Variants in NRP1 observed in about 807,000 individuals in gnomAD.
NRP1 encodes the protein neuropilin 1.
Under a neutral mutation model 106.7 loss-of-function variants are expected in NRP1, and 35 were observed. The observed-to-expected ratio is 0.33, with a 90% CI of 0.25 to 0.43. The LOEUF (loss-of-function observed/expected upper bound fraction) is 0.43, where lower values mean the gene tolerates loss of function less well. Among genes scored for constraint, NRP1 ranks in the 20% least tolerant of loss-of-function variants. The pLI, the probability that NRP1 is intolerant of heterozygous loss-of-function variation, is 1.00. For synonymous variants in NRP1, 437 were observed against 417.9 expected (o/e 1.05, Z -0.56); for missense variants, 1,024 against 1,170.4 (o/e 0.87, Z 1.83).
chr10:33,210,865 T>A (rs1475909965), intron 9 of NRP1, among the ~76,000 whole-genome samples: 7 of 152,228 alleles, frequency 4.6e-5, no homozygotes, highest in African/African-American at 1.7e-4. Context: ...AATCTTGATA[T>A]GATTAAAAAC....
At chr10:33,281,603 G>C (rs1012808318) in intron 2 of NRP1, among the ~76,000 whole-genome samples, 3 of 152,132 alleles carry the variant, frequency 2.0e-5, no homozygotes, top group Non-Finnish European at 4.4e-5. Context: ...GCCAAAACTG[G>C]ATGACTGTGA....
At chr10:33,199,385 ATATATTTTT>A (rs1837080367) in intron 11 of NRP1, among the ~76,000 whole-genome samples, 1 of 59,972 alleles carries the variant, frequency 1.7e-5, no homozygotes, top group African/African-American at 7.0e-5. Context: ...ATATATATAT[ATATATTTTT>A]TTTTTTTTTT....
At chr10:33,249,006 G>A (rs900273659) in intron 6 of NRP1, among the ~76,000 whole-genome samples, 22 of 151,966 alleles carry the variant, frequency 1.4e-4, no homozygotes, top group African/African-American at 5.1e-4. Flanking sequence ...AAAGTCACTA[G>A]GGAGTGTGGT....
intron 9 of NRP1, chr10:33,212,148 T>C (rs181408921): frequency 6.6e-6 from 1 of 152,374 alleles, no homozygotes; most frequent in Admixed American, 6.5e-5. Context: ...TGGAATGGAA[T>C]GTTTTTGTGT....
chr10:33,263,209 T>C (rs1241821151), intron 4 of NRP1, among the ~76,000 whole-genome samples: 2 of 152,202 alleles, frequency 1.3e-5, no homozygotes, highest in Non-Finnish European at 2.9e-5. Flanking sequence ...TTTTATTAAG[T>C]ACTCAACCTC....
chr10:33,322,311 T>G (rs1352004095), intron 2 of NRP1, among the ~76,000 whole-genome samples: 1 of 152,200 alleles, frequency 6.6e-6, no homozygotes, highest in Admixed American at 6.5e-5. Flanking sequence ...CAAAAAGCAC[T>G]AGAATTTAGA....
At chr10:33,235,841 A>G (rs550558051) in intron 6 of NRP1, among the ~76,000 whole-genome samples, 1 of 152,374 alleles carries the variant, frequency 6.6e-6, no homozygotes, top group Admixed American at 6.5e-5. Flanking sequence ...ATGCTTTAGA[A>G]AAGATTGTTT....
At chr10:33,264,085 G>T (rs1228857937) in intron 3 of NRP1, among the ~76,000 whole-genome samples, 2 of 152,168 alleles carry the variant, frequency 1.3e-5, no homozygotes, top group Non-Finnish European at 2.9e-5. Context: ...CTTTCCATTT[G>T]TATGGAGCAA....
intron 6 of NRP1, among the ~76,000 whole-genome samples, chr10:33,252,094 G>T (rs924213462): frequency 2.6e-5 from 4 of 152,076 alleles, no homozygotes; most frequent in Admixed American, 2.6e-4. Flanking sequence ...GCTGGATATC[G>T]TGAGGAACAC....
In NRP1 at chr10:33,221,873, G is replaced by A; in HGVS notation, c.1138-10C>T. On this transcript the variant is annotated splice_polypyrimidine_tract_variant and intron_variant, in intron 7 of 16. Coordinates refer to ENST00000374867, the MANE Select transcript of NRP1 (RefSeq NM_003873.7). ...TGTTTCCCTGAAAGAGCTGTATGGG[G>A]AAAAAAAGTGCCTTTCTTTAGCAGA... 1 of 1,593,296 alleles carries A rather than the reference G, an allele frequency of 6.3e-7. No individual in the cohort carries two copies. The highest frequency in any genetic ancestry group is 8.6e-7 in the Non-Finnish European group (1 of 1,163,726).
Position 33,207,690 on chromosome 10 carries a change from A to G in NRP1, c.1641T>C (p.Asp547=), listed in dbSNP as rs1022766373. 1.9e-6 allele frequency: 3 copies of G among 1,614,014 alleles called. No homozygotes were observed. Among genetic ancestry groups the G allele is most frequent in the Non-Finnish European group, 2.5e-6 (3 of 1,179,964 alleles). Residue 547 remains aspartate, a synonymous_variant, in exon 10 of 17, where the codon GAT becomes GAC. Coordinates refer to ENST00000374867, the MANE Select transcript of NRP1 (RefSeq NM_003873.7). The part of the protein sequence containing the change: ...AKSFEGNNNY[D]TPELRTFPAL... ...CTGGAAAAGTCCGCAGCTCAGGTGT[A>G]TCATAGTTGTTGTTGCCCTCAAAAG...
At chr10:33,210,612 C>G (rs1473702526) in intron 9 of NRP1, among the ~76,000 whole-genome samples, 3 of 152,152 alleles carry the variant, frequency 2.0e-5, no homozygotes, top group Non-Finnish European at 4.4e-5. Context: ...AAGATGAGGA[C>G]TTTGAGTGTT....
chr10:33,288,067 T>G (rs1247062383), intron 2 of NRP1, among the ~76,000 whole-genome samples: 1 of 152,160 alleles, frequency 6.6e-6, no homozygotes, highest in Non-Finnish European at 1.5e-5. Flanking sequence ...AAGTGAACTT[T>G]GATGACAGTC....
At chr10:33,264,592 T>C (rs968588845) in intron 3 of NRP1, among the ~76,000 whole-genome samples, 1 of 152,230 alleles carries the variant, frequency 6.6e-6, no homozygotes, top group African/African-American at 2.4e-5. Context: ...AAATTGCATG[T>C]TAATAGATGT....
In NRP1 at chr10:33,229,369, C is replaced by T. The variant is rs1036314852; in HGVS notation, c.982-3080G>A. Among the ~76,000 whole-genome samples, 4 of 152,172 alleles carry T rather than the reference C, an allele frequency of 2.6e-5. No homozygotes were observed. The East Asian group carries it at 5.8e-4, about 22-fold the overall frequency. On this transcript the variant is annotated intron_variant, in intron 6 of 16. Coordinates refer to ENST00000374867, the MANE Select transcript of NRP1 (RefSeq NM_003873.7). ...AATGTTAACTGTTTTCAAATGCTCG[C>T]AGATCACTTAGTGCTTTTCTGACTG... is the stretch of plus-strand genomic sequence containing the variant.
At chr10:33,326,149 T>C (rs1264906823) in intron 2 of NRP1, among the ~76,000 whole-genome samples, 1 of 152,224 alleles carries the variant, frequency 6.6e-6, no homozygotes, top group African/African-American at 2.4e-5. Context: ...TAAATTATCA[T>C]GCTGATTGTG....
Position 33,209,184 on chromosome 10 carries a change from G to A in NRP1, c.1615-1468C>T, listed in dbSNP as rs111914182. ...GGCCTCCCAAAGTGCTGGGATTATA[G>A]GCGTGAACCCCCATGCCTGGCCACA... is the stretch of plus-strand genomic sequence containing the variant. On this transcript the variant is annotated intron_variant, in intron 9 of 16. Coordinates refer to ENST00000374867, the MANE Select transcript of NRP1 (RefSeq NM_003873.7). Among the ~76,000 whole-genome samples, 763 of 152,220 alleles carry A rather than the reference G, an allele frequency of 5.0e-3. 6 individuals carry two copies. Among genetic ancestry groups the A allele is most frequent in the African/African-American group, 0.017 (723 of 41,526 alleles).
At chr10:33,276,790 C>T (rs1338179555) in intron 2 of NRP1, among the ~76,000 whole-genome samples, 2 of 152,042 alleles carry the variant, frequency 1.3e-5, no homozygotes, top group East Asian at 3.9e-4. Flanking sequence ...ACTGATTTTT[C>T]TGTGTGCTTA....
chr10:33,210,694 AT>A (rs1249071740), intron 9 of NRP1, among the ~76,000 whole-genome samples: 4 of 152,178 alleles, frequency 2.6e-5, no homozygotes, highest in Non-Finnish European at 5.9e-5. Flanking sequence ...ATTACCCACT[AT>A]TTTTGGGGTA....
Sources: gnomAD v4.1 joint callset for allele counts (sites outside exome capture counted in the v4.1 genomes callset) on GRCh38, gnomAD v4.1.1 for gene constraint, MANE v1.5 for transcripts, NCBI Gene and HGNC (gene_info 2026-07-23, HGNC 2026-07-21) for gene names.